The following TENM2 variants were observed in gnomAD, a reference collection of about 807,000 sequenced individuals.
TENM2 encodes the protein teneurin-2.
A neutral mutation model predicts 245.2 loss-of-function variants in TENM2; 52 were observed. That is an observed-to-expected ratio of 0.21 (90% CI 0.17 to 0.27). The LOEUF (loss-of-function observed/expected upper bound fraction) is 0.27. Ranked by LOEUF, TENM2 falls within the 10% of genes least tolerant of loss-of-function variation. TENM2 has a pLI of 1.00. For missense variants in TENM2, 3,046 were observed against 3,666.8 expected (o/e 0.83, Z 4.37); for synonymous variants, 1,363 against 1,438.9 (o/e 0.95, Z 1.19).
At chr5:167,733,318 A>G (rs778833146) in intron 2 of TENM2, among the ~76,000 whole-genome samples, 81 of 152,282 alleles carry the variant, frequency 5.3e-4, no homozygotes, top group Non-Finnish European at 9.7e-4. Flanking sequence ...AATAACAGGC[A>G]CTGAGGGCCT....
At chr5:167,901,581 T>C (rs1775707476) in intron 3 of TENM2, among the ~76,000 whole-genome samples, 1 of 152,194 alleles carries the variant, frequency 6.6e-6, no homozygotes, top group Non-Finnish European at 1.5e-5. Context: ...ACTCATAACA[T>C]CTCATAACAT....
intron 2 of TENM2, among the ~76,000 whole-genome samples, chr5:167,623,378 CATA>C (rs1258682448): frequency 6.6e-6 from 1 of 152,078 alleles, no homozygotes; most frequent in African/African-American, 2.4e-5. Flanking sequence ...TCAAAAAACA[CATA>C]ATAATTTTTT....
At chr5:167,717,945 C>A (rs1351564035) in intron 2 of TENM2, among the ~76,000 whole-genome samples, 1 of 152,194 alleles carries the variant, frequency 6.6e-6, no homozygotes, top group Non-Finnish European at 1.5e-5. Context: ...GTCAAATACC[C>A]TGACTTCTCT....
At chr5:167,157,956 A>T in the TENM2 span, among the ~76,000 whole-genome samples, 12 of 152,356 alleles carry the variant, frequency 7.9e-5, no homozygotes, top group African/African-American at 2.9e-4. Flanking sequence ...AGAAAACCTG[A>T]CAGCATTTCT....
At chr5:167,131,454 G>A in the TENM2 span, among the ~76,000 whole-genome samples, 1 of 152,098 alleles carries the variant, frequency 6.6e-6, no homozygotes, top group Admixed American at 6.5e-5. Flanking sequence ...GGAGCCTAGG[G>A]CTTTGACGGA....
intron 2 of TENM2, among the ~76,000 whole-genome samples, chr5:167,564,791 A>T (rs188820627): frequency 6.6e-6 from 1 of 152,152 alleles, no homozygotes; most frequent in Non-Finnish European, 1.5e-5. Flanking sequence ...GCTTTCTTTC[A>T]TGGGGATGGC....
intron 7 of TENM2, chr5:168,087,511 A>G: frequency 6.6e-6 from 1 of 152,298 alleles, no homozygotes; most frequent in Non-Finnish European, 1.5e-5. Flanking sequence ...CGGGAGGCTG[A>G]GGCTGGAGAA....
the TENM2 span, among the ~76,000 whole-genome samples, chr5:167,200,171 G>GTGTA: frequency 9.1e-4 from 138 of 152,240 alleles, no homozygotes; most frequent in African/African-American, 2.8e-3. Flanking sequence ...GTGTGTGTGT[G>GTGTA]TGAATTCTCC....
intron 2 of TENM2, among the ~76,000 whole-genome samples, chr5:167,640,864 T>TATATATATATCC (rs1779529490): frequency 6.2e-4 from 15 of 24,040 alleles, no homozygotes; most frequent in African/African-American, 5.7e-3. Flanking sequence ...TATATCCATA[T>TATATATATATCC]ATATATATAT....
intron 13 of TENM2, among the ~76,000 whole-genome samples, chr5:168,167,693 T>A (rs1322816716): frequency 6.6e-6 from 1 of 152,212 alleles, no homozygotes; most frequent in Admixed American, 6.5e-5. Flanking sequence ...CTCTTTCATG[T>A]CCCTGGTTTC....
chr5:167,612,017 C>T (rs910186315), intron 2 of TENM2, among the ~76,000 whole-genome samples: 1 of 152,062 alleles, frequency 6.6e-6, no homozygotes, highest in Non-Finnish European at 1.5e-5. Context: ...TCCTTTGATC[C>T]GTATTTCCAC....
chr5:167,509,357 T>C (rs1769769098), intron 2 of TENM2, among the ~76,000 whole-genome samples: 1 of 152,180 alleles, frequency 6.6e-6, no homozygotes, highest in South Asian at 2.1e-4. Context: ...GAGATTTATT[T>C]AGAGATAGTT....
In TENM2 at chr5:167,867,647, C is replaced by T. The variant is rs954477755; in HGVS notation, c.503-8339C>T. Among the ~76,000 whole-genome samples the T allele has an allele frequency of 1.3e-4, 20 of 152,074 alleles. No homozygotes were observed. In the South Asian group the frequency reaches 2.3e-3, roughly 17 times the overall value. ...CCACAGTAAAAATAAAAACTTAAAG[C>T]GAGATGATGTGGAATAGAACAAACC... On this transcript the variant is annotated intron_variant, in intron 2 of 28. Coordinates refer to ENST00000518659, the Ensembl canonical transcript of TENM2.
At chr5:167,167,546 A>C in the TENM2 span, among the ~76,000 whole-genome samples, 4 of 152,302 alleles carry the variant, frequency 2.6e-5, no homozygotes, top group South Asian at 8.3e-4. Flanking sequence ...CACCTGGAGA[A>C]TGACTACTCA....
chr5:166,983,656 A>G, the TENM2 span, among the ~76,000 whole-genome samples: 1 of 152,132 alleles, frequency 6.6e-6, no homozygotes, highest in Admixed American at 6.5e-5. Context: ...CCCTTATCTT[A>G]TCAACATGGT....
chr5:167,497,086 G>A (rs1362871722), intron 2 of TENM2, among the ~76,000 whole-genome samples: 1 of 151,818 alleles, frequency 6.6e-6, no homozygotes, highest in Non-Finnish European at 1.5e-5. Flanking sequence ...CTGGCTAAAT[G>A]GAGGACCATG....
chr5:167,102,964 A>G, the TENM2 span, among the ~76,000 whole-genome samples: 1 of 152,134 alleles, frequency 6.6e-6, no homozygotes, highest in Non-Finnish European at 1.5e-5. Context: ...CTGGCTTAAT[A>G]ATAGTAATTC....
chr5:167,458,494 CAAAAAAAAAAA>C (rs70976430), intron 2 of TENM2, among the ~76,000 whole-genome samples: 2 of 82,012 alleles, frequency 2.4e-5, no homozygotes, highest in Admixed American at 3.0e-4. Context: ...CTCAAAAAAA[CAAAAAAAAAAA>C]AAAAAAAAAA....
chr5:168,253,533 C>T (rs900904148), intron 27 of TENM2, among the ~76,000 whole-genome samples: 10 of 150,362 alleles, frequency 6.7e-5, no homozygotes, highest in Non-Finnish European at 1.5e-4. Context: ...TCACACCATT[C>T]TCCTGCCTCA....
Sources: allele counts gnomAD v4.1 joint callset (sites outside exome capture counted in the v4.1 genomes callset), GRCh38; gene constraint gnomAD v4.1.1; transcripts MANE v1.5; gene names NCBI Gene and HGNC (gene_info 2026-07-23, HGNC 2026-07-21).